ERC2: variants seen among roughly 807,000 people sequenced by gnomAD.
ERC2 encodes ELKS/RAB6-interacting/CAST family member 2.
ERC2 carries 42 observed loss-of-function variants against 114.8 expected under a neutral mutation model. That is an observed-to-expected ratio of 0.37 (90% CI 0.29 to 0.47). The LOEUF (loss-of-function observed/expected upper bound fraction) is 0.47. Among genes scored for constraint, ERC2 ranks in the 20% least tolerant of loss-of-function variants. The pLI is 0.99. For synonymous variants in ERC2, 454 were observed against 425.5 expected (o/e 1.07, Z -0.82); for missense variants, 939 against 1,150.7 (o/e 0.82, Z 2.66).
Position 55,772,303 on chromosome 3 carries a change from T to C in ERC2, c.2565-37385A>G, listed in dbSNP as rs534304062. Among the ~76,000 whole-genome samples the C allele has an allele frequency of 6.5e-4, 98 of 151,664 alleles. 2 individuals carry two copies. The highest frequency in any genetic ancestry group is 4.8e-3 in the South Asian group (23 of 4,788). On this transcript the variant is annotated intron_variant, in intron 14 of 17. Coordinates refer to ENST00000288221, the MANE Select transcript of ERC2 (RefSeq NM_015576.3). ...GACTGCAGGCATGCACCACCACGCC[T>C]GGCTACTTTTTGTATTCTTTTTTTT...
intron 17 of ERC2, among the ~76,000 whole-genome samples, chr3:55,516,753 G>A (rs1422871103): frequency 1.3e-5 from 2 of 152,212 alleles, no homozygotes; most frequent in Non-Finnish European, 2.9e-5. Flanking sequence ...AGACTGCTAT[G>A]TCTCCGTAGG....
rs552892937 is a variant in ERC2, at chr3:55,774,281, T to C, written c.2565-39363A>G. ...TCATGGGATCTCAGGCAGTGAGGCA[T>C]TATGTCAACATCGGTTCAACTAACA... On this transcript the variant is annotated intron_variant, in intron 14 of 17. Transcript: ENST00000288221. Among the ~76,000 whole-genome samples the C allele has an allele frequency of 1.1e-4, 17 of 152,290 alleles. No individual in the cohort carries two copies. The East Asian group carries it at 3.3e-3, about 29-fold the overall frequency.
intron 8 of ERC2, among the ~76,000 whole-genome samples, chr3:56,016,017 T>C (rs2073280880): frequency 6.6e-6 from 1 of 152,236 alleles, no homozygotes; most frequent in Non-Finnish European, 1.5e-5. Flanking sequence ...TTGAGAAGTG[T>C]CTGTTCATGT....
chr3:55,635,406 T>C (rs2059919736), intron 17 of ERC2, among the ~76,000 whole-genome samples: 1 of 151,986 alleles, frequency 6.6e-6, no homozygotes, highest in African/African-American at 2.4e-5. Flanking sequence ...TTCTTTTTTT[T>C]TTGTCTCTTT....
intron 3 of ERC2, among the ~76,000 whole-genome samples, chr3:56,223,548 C>A (rs1345277477): frequency 6.8e-6 from 1 of 147,630 alleles, no homozygotes; most frequent in Admixed American, 6.8e-5. Flanking sequence ...AAATGACAAC[C>A]ATTTTAAGTC....
intron 13 of ERC2, among the ~76,000 whole-genome samples, chr3:55,899,957 C>T (rs1252359364): frequency 6.6e-6 from 1 of 152,202 alleles, no homozygotes; most frequent in Non-Finnish European, 1.5e-5. Flanking sequence ...AACATAGCCT[C>T]TAAAGGACAG....
chr3:56,434,252 C>T (rs2061920766), intron 2 of ERC2, 99 bp downstream of exon 2: 7 of 1,144,660 alleles, frequency 6.1e-6, no homozygotes, highest in Non-Finnish European at 7.4e-6. Flanking sequence ...CTTGATGATG[C>T]CAAACTTTCT....
chr3:55,566,102 A>G (rs796590002), intron 17 of ERC2, among the ~76,000 whole-genome samples: 15 of 152,320 alleles, frequency 9.8e-5, no homozygotes, highest in African/African-American at 3.6e-4. Context: ...GACTCCATTC[A>G]TTGAACTTCC....
chr3:55,574,814 G>C (rs1327330371), intron 17 of ERC2, among the ~76,000 whole-genome samples: 2 of 152,188 alleles, frequency 1.3e-5, no homozygotes, highest in East Asian at 1.9e-4. Context: ...TCAGAGCCTA[G>C]ATTAACTATC....
intron 17 of ERC2, among the ~76,000 whole-genome samples, chr3:55,580,717 T>C (rs1199379149): frequency 2.6e-5 from 4 of 152,216 alleles, no homozygotes; most frequent in South Asian, 2.1e-4. Flanking sequence ...GGGAACATTA[T>C]TGGTTTGTTA....
intron 5 of ERC2, among the ~76,000 whole-genome samples, chr3:56,140,094 A>G (rs2080764270): frequency 6.6e-6 from 1 of 152,230 alleles, no homozygotes; most frequent in Non-Finnish European, 1.5e-5. Flanking sequence ...CAAGGGCATC[A>G]TTTGACAAAA....
intron 12 of ERC2, among the ~76,000 whole-genome samples, chr3:55,970,961 GA>G (rs1559953520): frequency 6.6e-6 from 1 of 152,102 alleles, no homozygotes. Context: ...CTGATGAAAA[GA>G]TAAACAAAAT....
At chr3:56,166,645 A>G (rs933321207) in intron 4 of ERC2, among the ~76,000 whole-genome samples, 5 of 152,050 alleles carry the variant, frequency 3.3e-5, no homozygotes, top group Non-Finnish European at 7.4e-5. Context: ...TTTTAAAAAG[A>G]ATTTTTTCAT....
At chr3:56,144,911 T>C (rs534701613) in intron 5 of ERC2, among the ~76,000 whole-genome samples, 1 of 152,236 alleles carries the variant, frequency 6.6e-6, no homozygotes, top group East Asian at 1.9e-4. Flanking sequence ...ATAAATTCCA[T>C]AAAAATGGAA....
intron 1 of ERC2, among the ~76,000 whole-genome samples, chr3:56,458,934 G>A (rs2063188153): frequency 6.6e-6 from 1 of 152,180 alleles, no homozygotes; most frequent in African/African-American, 2.4e-5. Context: ...GGAGCTGGCT[G>A]ACAAAACGGA....
In ERC2 at chr3:56,299,158, C is replaced by T. The variant is rs564213992; in HGVS notation, c.658-2723G>A. ...TTGTTTGTTTTTTGAGACAGAGTCT[C>T]GTCCTGTCGCCCAGGCTGGAGTGCA... On this transcript the variant is annotated intron_variant, in intron 2 of 17. Transcript: ENST00000288221. 1.6e-4 allele frequency among the ~76,000 whole-genome samples: 23 copies of T among 140,684 alleles called. 1 individual carries two copies. The highest frequency in any genetic ancestry group is 3.3e-4 in the Non-Finnish European group (22 of 66,812). 92.3% of individuals were successfully genotyped at this position (140,684 alleles called of 152,430 possible). A position where few individuals can be genotyped will look rare whatever the true frequency, so the allele number is the denominator to read the frequency against.
At chr3:55,668,956 G>T (rs2061456259) in intron 17 of ERC2, among the ~76,000 whole-genome samples, 1 of 152,186 alleles carries the variant, frequency 6.6e-6, no homozygotes, top group Non-Finnish European at 1.5e-5. Context: ...GTAAGTATTA[G>T]TTAAGTGCTA....
chr3:55,804,483 G>GTTGT (rs1285779479), intron 14 of ERC2, among the ~76,000 whole-genome samples: 2 of 152,152 alleles, frequency 1.3e-5, no homozygotes, highest in Non-Finnish European at 2.9e-5. Flanking sequence ...GAGTCTACTG[G>GTTGT]TTGTTTGCTG....
At chr3:55,922,454 T>C (rs2065482865) in intron 13 of ERC2, among the ~76,000 whole-genome samples, 2 of 151,960 alleles carry the variant, frequency 1.3e-5, no homozygotes, top group South Asian at 4.2e-4. Flanking sequence ...TCTCTCTGTG[T>C]CTCCCCTCCC....
Sources: allele counts gnomAD v4.1 joint callset (sites outside exome capture counted in the v4.1 genomes callset), GRCh38; gene constraint gnomAD v4.1.1; transcripts MANE v1.5; gene names NCBI Gene and HGNC (gene_info 2026-07-23, HGNC 2026-07-21).